AUTS2: variants seen among roughly 807,000 people sequenced by gnomAD.
AUTS2 encodes the protein activator of transcription and developmental regulator AUTS2.
A neutral mutation model predicts 112.4 loss-of-function variants in AUTS2; 17 were observed. The observed-to-expected ratio is 0.15, with a 90% CI of 0.10 to 0.23. The LOEUF (loss-of-function observed/expected upper bound fraction) is 0.23, where lower values mean the gene tolerates loss of function less well. AUTS2 is among the 10% of genes least tolerant of loss of function. The probability of loss-of-function intolerance (pLI) is 1.00; values close to 1 mark genes in which losing one functional copy is unlikely to be tolerated. For missense variants in AUTS2, 1,510 were observed against 1,701.6 expected (o/e 0.89, Z 1.98); for synonymous variants, 751 against 702.7 (o/e 1.07, Z -1.09).
intron 4 of AUTS2, among the ~76,000 whole-genome samples, chr7:70,396,109 T>G (rs1296169539): frequency 6.6e-6 from 1 of 152,200 alleles, no homozygotes; most frequent in Non-Finnish European, 1.5e-5. Flanking sequence ...TAATAAGTTT[T>G]GATCAAAGTA....
At chr7:70,375,469 C>T (rs745959385) in intron 4 of AUTS2, among the ~76,000 whole-genome samples, 2 of 152,048 alleles carry the variant, frequency 1.3e-5, no homozygotes, top group Non-Finnish European at 2.9e-5. Context: ...TTTTTTACTG[C>T]CAATTTTACG....
At chr7:70,546,807 A>G (rs1324189558) in intron 5 of AUTS2, among the ~76,000 whole-genome samples, 2 of 151,848 alleles carry the variant, frequency 1.3e-5, no homozygotes, top group African/African-American at 2.4e-5. Flanking sequence ...AAAATCATTC[A>G]GGTACAGCCA....
chr7:70,089,887 G>T (rs1443727017), intron 2 of AUTS2, among the ~76,000 whole-genome samples: 13 of 151,926 alleles, frequency 8.6e-5, no homozygotes, highest in Non-Finnish European at 1.9e-4. Context: ...GGCGCCTGTA[G>T]TCCCAGCTGC....
chr7:69,986,512 G>C (rs1010468973), intron 2 of AUTS2, among the ~76,000 whole-genome samples: 1 of 152,186 alleles, frequency 6.6e-6, no homozygotes, highest in African/African-American at 2.4e-5. Context: ...GGTTGTTCTT[G>C]GCAGTAAAGT....
At chr7:69,781,127 C>T (rs1789128214) in intron 1 of AUTS2, among the ~76,000 whole-genome samples, 1 of 152,158 alleles carries the variant, frequency 6.6e-6, no homozygotes, top group Non-Finnish European at 1.5e-5. Flanking sequence ...CTCAGTTTAG[C>T]CTTTTCTGTT....
At chr7:70,767,619 T>C (rs1200662023) in intron 9 of AUTS2, among the ~76,000 whole-genome samples, 2 of 152,208 alleles carry the variant, frequency 1.3e-5, no homozygotes, top group Non-Finnish European at 2.9e-5. Flanking sequence ...AGAAGACAGC[T>C]GCATGGCAAG....
At position 70,069,425 on chromosome 7, in the gene AUTS2, T is replaced by C. The variant is rs555568891; in HGVS notation, c.523-48707T>C. ...CATCATTAATTTCCTAGCTGTGTCA[T>C]ACAGGATCAGTTAGGTTAGATTCTC... On this transcript the variant is annotated intron_variant, in intron 2 of 18. Coordinates refer to ENST00000342771, the MANE Select transcript of AUTS2 (RefSeq NM_015570.4). 3.9e-5 allele frequency among the ~76,000 whole-genome samples: 6 copies of C among 152,370 alleles called. No individual in the cohort carries two copies. In the East Asian group the frequency reaches 7.7e-4, roughly 20 times the overall value.
chr7:69,784,018 T>A (rs1584241782), intron 1 of AUTS2, among the ~76,000 whole-genome samples: 1 of 152,118 alleles, frequency 6.6e-6, no homozygotes, highest in Non-Finnish European at 1.5e-5. Flanking sequence ...ACAGCCCCCC[T>A]CCCCAACCTT....
Position 70,790,560 on chromosome 7 carries a change from C to A in AUTS2, c.3344C>A (p.Ser1115Tyr). 1 of 1,603,678 alleles carries A rather than the reference C, an allele frequency of 6.2e-7. No homozygotes were observed. ...STPRLYEADR[S>Y]FRDREPHDYS... ...CCCCGGCTGTACGAAGCCGACCGCT[C>A]CTTCAGGGACCGGGAGCCTCACGAC... Residue 1115 changes from serine (S) to tyrosine (Y), a missense_variant, in exon 19 of 19, where the codon TCC becomes TAC. Ser to Tyr is a moderately radical substitution (Grantham distance 144). Coordinates refer to ENST00000342771, the MANE Select transcript of AUTS2 (RefSeq NM_015570.4). The surrounding 1 kb of genome is among the most constrained non-coding windows in gnomAD (Gnocchi z 7.6).
chr7:70,322,147 T>C (rs1025718632), intron 4 of AUTS2, among the ~76,000 whole-genome samples: 5 of 152,210 alleles, frequency 3.3e-5, no homozygotes, highest in Admixed American at 6.5e-5. Context: ...TTGTATAAAC[T>C]CTGCTTGCAT....
intron 2 of AUTS2, among the ~76,000 whole-genome samples, chr7:69,952,442 T>G (rs12698822): frequency 0.38 from 57,372 of 152,036 alleles, 11,617 homozygotes; most frequent in African/African-American, 0.53. Context: ...AGTAGTAAGC[T>G]TTTTCGTTTA....
intron 5 of AUTS2, among the ~76,000 whole-genome samples, chr7:70,628,585 C>G (rs749714343): frequency 6.6e-6 from 1 of 151,998 alleles, no homozygotes; most frequent in East Asian, 1.9e-4. Context: ...TCCCCCTCCC[C>G]CCCAAAAAAT....
chr7:70,175,893 A>G (rs371914424), intron 4 of AUTS2, among the ~76,000 whole-genome samples: 1 of 152,216 alleles, frequency 6.6e-6, no homozygotes, highest in East Asian at 1.9e-4. Flanking sequence ...GTTCACTGGG[A>G]AACCAAAAGT....
chr7:70,096,103 G>A (rs1215924720), intron 2 of AUTS2, among the ~76,000 whole-genome samples: 1 of 152,122 alleles, frequency 6.6e-6, no homozygotes, highest in Non-Finnish European at 1.5e-5. Context: ...CTGAGACAAA[G>A]TTTCACATCA....
chr7:70,507,884 T>C (rs989065793), intron 5 of AUTS2, among the ~76,000 whole-genome samples: 1 of 152,188 alleles, frequency 6.6e-6, no homozygotes, highest in Admixed American at 6.5e-5. Context: ...TGTGTACACA[T>C]GTGTGTGTGC....
intron 5 of AUTS2, among the ~76,000 whole-genome samples, chr7:70,636,471 C>T (rs963188123): frequency 6.6e-6 from 1 of 152,100 alleles, no homozygotes; most frequent in Non-Finnish European, 1.5e-5. Flanking sequence ...AAGGTGGAAA[C>T]CGTAGGTATC....
chr7:70,771,504 C>A (rs1223253850), intron 10 of AUTS2, 45 bp from the exon 11 acceptor site: 2 of 1,502,872 alleles, frequency 1.3e-6, no homozygotes, highest in Non-Finnish European at 9.2e-7. Flanking sequence ...ATGTCACTTG[C>A]CTCCTACTAA....
At chr7:69,720,499 T>TA (rs1798871440) in intron 1 of AUTS2, among the ~76,000 whole-genome samples, 2 of 152,216 alleles carry the variant, frequency 1.3e-5, no homozygotes, top group African/African-American at 4.8e-5. Context: ...GCTTGCCATT[T>TA]CTAGTAATGC....
intron 2 of AUTS2, among the ~76,000 whole-genome samples, chr7:69,946,818 C>A (rs1018024338): frequency 6.6e-6 from 1 of 152,112 alleles, no homozygotes; most frequent in Admixed American, 6.6e-5. Context: ...TTTATGATGT[C>A]TTGAATATAG....
Sources: allele counts gnomAD v4.1 joint callset (sites outside exome capture counted in the v4.1 genomes callset), GRCh38; gene constraint gnomAD v4.1.1; non-coding constraint Gnocchi (gnomAD v3.1); transcripts MANE v1.5; gene names NCBI Gene and HGNC (gene_info 2026-07-23, HGNC 2026-07-21).